Variants in EIF2B5 observed in about 807,000 individuals in gnomAD.
EIF2B5 encodes the protein translation initiation factor eIF2B subunit epsilon.
Under a neutral mutation model 87.3 loss-of-function variants are expected in EIF2B5, and 38 were observed. The ratio of observed to expected loss-of-function variants is 0.44; its 90% CI spans 0.34 to 0.57. EIF2B5 has a LOEUF of 0.57. Ranked by LOEUF, EIF2B5 falls within the 20% of genes least tolerant of loss-of-function variation. The pLI is 0.02. For missense variants in EIF2B5, 784 were observed against 909.5 expected, an observed-to-expected ratio of 0.86 and a Z score of 1.78; for synonymous variants, 313 against 339.6, an observed-to-expected ratio of 0.92 and a Z score of 0.86.
At position 184,142,658 on chromosome 3, in the gene EIF2B5, A is replaced by C. The variant is rs1440379877; in HGVS notation, c.1546+55A>C. On this transcript the variant is annotated intron_variant, in intron 10 of 15. Transcript: ENST00000648915. The surrounding 1 kb of genome is among the most constrained non-coding windows in gnomAD (Gnocchi z 5.0). ...CTCCTGAATCGGAATATTTTGAAGG[A>C]TAATGAATACTTCAGAGTCACATTA... 8.2e-6 allele frequency: 13 copies of C among 1,576,114 alleles called. No individual in the cohort carries two copies. The highest frequency in any genetic ancestry group is 1.1e-5 in the Non-Finnish European group (13 of 1,155,994).
chr3:184,140,999 A>C (rs1358578856), intron 7 of EIF2B5: 1 of 539,062 alleles, frequency 1.9e-6, no homozygotes, highest in Non-Finnish European at 3.3e-6. Context: ...ACATGCAGTA[A>C]CAACATCTAT....
chr3:184,137,036 T>C (rs1244001569), intron 2 of EIF2B5: 1 of 407,524 alleles, frequency 2.5e-6, no homozygotes, highest in African/African-American at 2.0e-5. Flanking sequence ...GAAGTTACAA[T>C]GATAACATCT....
At chr3:184,136,226 G>A (rs993984482) in intron 1 of EIF2B5, among the ~76,000 whole-genome samples, 4 of 152,190 alleles carry the variant, frequency 2.6e-5, no homozygotes, top group Non-Finnish European at 5.9e-5. Context: ...GACAAGTGAC[G>A]GGAGATGGCT....
Position 184,138,198 on chromosome 3 carries a change from G to C in EIF2B5, c.717G>C (p.Glu239Asp). 1 of 1,614,070 alleles carries C rather than the reference G, an allele frequency of 6.2e-7. No homozygotes were observed. Among genetic ancestry groups the C allele is most frequent in the Non-Finnish European group, 8.5e-7 (1 of 1,180,032 alleles). ...SLFQGSSDGV[E>D]VRYDLLDCHI... The stretch of plus-strand genomic sequence containing the variant: ...TTCAGGGCAGTAGTGATGGAGTGGA[G>C]GTTCGATATGATTTACTGGATTGTC... The change falls in exon 5 of 16, where the codon GAG (glutamate) becomes GAC (aspartate). Residue 239 changes from glutamate (E) to aspartate (D), a missense_variant. Around this residue, in one of 3 missense-constraint regions of EIF2B5, gnomAD observed 660 missense variants for 789.5 expected, o/e 0.84. Transcript: ENST00000648915.
At position 184,137,768 on chromosome 3, in the gene EIF2B5, T is replaced by A; in HGVS notation, c.469T>A (p.Ser157Thr). 1 of 1,614,174 alleles carries A rather than the reference T, an allele frequency of 6.2e-7. No homozygotes were observed. The highest frequency in any genetic ancestry group is 8.5e-7 in the Non-Finnish European group (1 of 1,180,042). The change falls in exon 3 of 16, where the codon TCA (serine) becomes ACA (threonine). Residue 157 changes from serine (S) to threonine (T), a missense_variant. Coordinates refer to ENST00000648915, the MANE Select transcript of EIF2B5 (RefSeq NM_003907.3). ...TCTTCTGGTGTATGGGGATGTCATC[T>A]CAAACATCAATATCACCAGAGCCCT... ...DFLLVYGDVI[S>T]NINITRALEE...
chr3:184,141,994 A>G lies in EIF2B5; in HGVS notation c.1226A>G (p.His409Arg). The G allele has an allele frequency of 6.2e-7, 1 of 1,614,132 alleles. No individual in the cohort carries two copies. Among genetic ancestry groups the G allele is most frequent in the South Asian group, 1.1e-5 (1 of 91,080 alleles). ...GVRVAAGAQI[H>R]QSLLCDNAEV... Reference sequence around the variant, plus strand: ...CGAGTGGCGGCTGGAGCACAGATCCATCAGTCTCTGCTTTGTGACAATGCT... The same window carrying G: ...CGAGTGGCGGCTGGAGCACAGATCCGTCAGTCTCTGCTTTGTGACAATGCT... Residue 409 changes from histidine to arginine, a missense_variant, in exon 8 of 16, where the codon CAT becomes CGT. His to Arg is a conservative substitution (Grantham distance 29, BLOSUM62 0). This residue lies in a region of EIF2B5 where 660 missense variants were observed against 789.5 expected (regional missense o/e 0.84). Coordinates refer to ENST00000648915, the MANE Select transcript of EIF2B5 (RefSeq NM_003907.3).
At position 184,143,556 on chromosome 3, in the gene EIF2B5, G is replaced by C; in HGVS notation, c.1860G>C (p.Leu620=). The change falls in exon 13 of 16, where the codon CTG becomes CTC. Residue 620 remains leucine (L), a synonymous_variant. Transcript: ENST00000648915. ...SPLDSSRYCA[L]LLPLLKAWSP... is the part of the protein sequence containing the mutation. ...TTGACTCAAGCCGCTACTGTGCCCT[G>C]CTGCTTCCTGTGAGCAAAGATTGGA... 1 of 1,614,196 alleles carries C rather than the reference G, an allele frequency of 6.2e-7. No individual in the cohort carries two copies.
intron 3 of EIF2B5, 24 bp from the exon 4 acceptor site, chr3:184,137,874 T>C (rs536492495): frequency 6.2e-7 from 1 of 1,614,198 alleles, no homozygotes; most frequent in African/African-American, 1.3e-5. Flanking sequence ...TTTTTTGCAG[T>C]TCTGTCCCTC....
In EIF2B5 at chr3:184,143,361, C is replaced by T. The variant is rs1205235887; in HGVS notation, c.1746-81C>T. On this transcript the variant is annotated intron_variant, in intron 12 of 15. Transcript: ENST00000648915. ...TCCATATTGTTCCATCCAGATTCCTCTCCAATGTCTATCAAAGTCATAGTT... is the reference window on the plus strand; with the variant it reads ...TCCATATTGTTCCATCCAGATTCCTTTCCAATGTCTATCAAAGTCATAGTT... 3.7e-6 allele frequency: 6 copies of T among 1,610,930 alleles called. No individual in the cohort carries two copies. The African/African-American group carries it at 6.7e-5, about 18-fold the overall frequency.
Position 184,135,576 on chromosome 3 carries a change from C to T in EIF2B5, c.191C>T (p.Pro64Leu). ...RRFFPISKDQ[P>L]RVLLPLANVA... ...TTCTTCCCCATCTCCAAGGACCAGC[C>T]TCGGGTGAGCGCCGCGCACGCGAGC... is the stretch of plus-strand genomic sequence containing the variant. The change falls in exon 1 of 16, where the codon CCT (proline) becomes CTT (leucine). Residue 64 changes from proline (P) to leucine (L), a missense_variant. Transcript: ENST00000648915. The T allele has an allele frequency of 6.3e-7, 1 of 1,585,042 alleles. No individual in the cohort carries two copies. The highest frequency in any genetic ancestry group is 8.6e-7 in the Non-Finnish European group (1 of 1,167,148).
Position 184,143,111 on chromosome 3 carries a change from G to A in EIF2B5, c.1714G>A (p.Asp572Asn), listed in dbSNP as rs771735548. Residue 572 changes from aspartate (D) to asparagine (N), a missense_variant, in exon 12 of 16, where the codon GAC (aspartate) becomes AAC (asparagine). Around this residue, in one of 3 missense-constraint regions of EIF2B5, gnomAD observed 660 missense variants for 789.5 expected, o/e 0.84. Transcript: ENST00000648915. ...GGGCAAAGAGGAGAACATTTCTTGT[G>A]ACAATCTCGTCCTGGAAATCAACTC... ...QRGKEENISCDNLVLEINSLK... is the reference protein window; with the variant it reads ...QRGKEENISCNNLVLEINSLK... 9 of 1,613,736 alleles carry A rather than the reference G, an allele frequency of 5.6e-6. No individual in the cohort carries two copies. In the African/African-American group the frequency reaches 1.2e-4, roughly 22 times the overall value.
At chr3:184,137,467 G>A (rs1470230484) in intron 2 of EIF2B5, 153 bp from the exon 3 acceptor site, 2 of 727,154 alleles carry the variant, frequency 2.8e-6, no homozygotes, top group African/African-American at 3.5e-5. Flanking sequence ...ATTCATTATA[G>A]TTCATAATAC....
rs1560108361 is a variant in EIF2B5, at chr3:184,140,430, CA to C, written c.857del (p.Gln286ArgfsTer6). On this transcript the variant is annotated frameshift_variant, in exon 7 of 16. Coordinates refer to ENST00000648915, the MANE Select transcript of EIF2B5 (RefSeq NM_003907.3). LOFTEE classifies it high-confidence loss of function. Reference sequence around the variant, plus strand: ...CCTTCTCATTCAGATCCTAGGGAACCAGATCCACATGCACGTAACAGCTAAG... The same window carrying C: ...CCTTCTCATTCAGATCCTAGGGAACCGATCCACATGCACGTAACAGCTAAG... ...LLVNEEILGN[Q>X]IHMHVTAKEY... is the part of the protein sequence containing the mutation. The C allele has an allele frequency of 2.5e-6, 4 of 1,613,956 alleles. No homozygotes were observed. The highest frequency in any genetic ancestry group is 2.5e-6 in the Non-Finnish European group (3 of 1,180,018).
chr3:184,138,009 T>C lies in EIF2B5; in HGVS notation c.618T>C (p.Asp206=), dbSNP rs2109007181. ...CHEDNVVVAV[D]STTNRVLHFQ... ...AAGACAATGTGGTAGTGGCTGTGGA[T>C]AGTACCACAAACAGGGTTCTCCATT... Residue 206 remains aspartate, a synonymous_variant, in exon 4 of 16, where the codon GAT becomes GAC. Coordinates refer to ENST00000648915, the MANE Select transcript of EIF2B5 (RefSeq NM_003907.3). The C allele has an allele frequency of 6.2e-7, 1 of 1,614,244 alleles. No individual in the cohort carries two copies. The highest frequency in any genetic ancestry group is 8.5e-7 in the Non-Finnish European group (1 of 1,180,044).
intron 1 of EIF2B5, among the ~76,000 whole-genome samples, chr3:184,136,142 AAG>A (rs1713347429): frequency 6.6e-6 from 1 of 152,170 alleles, no homozygotes; most frequent in Non-Finnish European, 1.5e-5. Flanking sequence ...TCAGTTCAGA[AAG>A]AGGGAACTGC....
intron 6 of EIF2B5, 110 bp downstream of exon 6, chr3:184,140,267 GA>G (rs758774263): frequency 7.2e-7 from 1 of 1,397,794 alleles, no homozygotes; most frequent in Non-Finnish European, 1.0e-6. Context: ...TAGGAGGGAG[GA>G]AAAGCAGGGG....
At chr3:184,136,856 G>A (rs1175993014) in intron 2 of EIF2B5, 120 bp downstream of exon 2, 2 of 1,410,796 alleles carry the variant, frequency 1.4e-6, no homozygotes, top group East Asian at 4.6e-5. Context: ...GTCATTGTAA[G>A]TTCTAAGGGT....
At position 184,142,845 on chromosome 3, in the gene EIF2B5, C is replaced by G; in HGVS notation, c.1613C>G (p.Pro538Arg). 1 of 1,614,046 alleles carries G rather than the reference C, an allele frequency of 6.2e-7. No individual in the cohort carries two copies. Among genetic ancestry groups the G allele is most frequent in the Non-Finnish European group, 8.5e-7 (1 of 1,180,016 alleles). The change falls in exon 11 of 16, where the codon CCG becomes CGG. Residue 538 changes from proline (P) to arginine (R), a missense_variant. Physicochemically the swap from Pro to Arg is moderately radical, Grantham distance 103. Coordinates refer to ENST00000648915, the MANE Select transcript of EIF2B5 (RefSeq NM_003907.3). This position sits in a 1 kb window ranked among gnomAD's most constrained non-coding sequence, Gnocchi z 5.0. ...ESEQSMDSEEPDSRGGSPQMD... is the reference protein window; with the variant it reads ...ESEQSMDSEERDSRGGSPQMD... The stretch of plus-strand genomic sequence containing the variant: ...GAGCAAAGTATGGATTCTGAGGAGC[C>G]GGACAGCCGGGGAGGCTCCCCTCAG...
At chr3:184,137,827 G>A in intron 3 of EIF2B5, 22 bp downstream of exon 3, 2 of 1,614,170 alleles carry the variant, frequency 1.2e-6, no homozygotes, top group Non-Finnish European at 1.7e-6. Flanking sequence ...AAAATGACAG[G>A]AACAAGGGTT....
Sources: gnomAD v4.1 joint callset for allele counts (sites outside exome capture counted in the v4.1 genomes callset) on GRCh38, gnomAD v4.1.1 for gene constraint, gnomAD v4.1.1 regional missense constraint, Gnocchi (gnomAD v3.1) non-coding constraint, MANE v1.5 for transcripts, NCBI Gene and HGNC (gene_info 2026-07-23, HGNC 2026-07-21) for gene names.